The following ANKRD26 variants were observed in gnomAD, a reference collection of about 807,000 sequenced individuals.
ANKRD26 encodes ankyrin repeat domain-containing protein 26.
ANKRD26 carries 141 observed loss-of-function variants against 208.7 expected under a neutral mutation model. The observed-to-expected ratio is 0.68, with a 90% CI of 0.59 to 0.78. The LOEUF (loss-of-function observed/expected upper bound fraction) is 0.78. Among genes scored for constraint, ANKRD26 ranks in the 30% least tolerant of loss-of-function variants. The probability of loss-of-function intolerance (pLI) is 0.00; values close to 1 mark genes in which losing one functional copy is unlikely to be tolerated. For synonymous variants in ANKRD26, 636 were observed against 660.4 expected (o/e 0.96, Z 0.57); for missense variants, 1,889 against 1,938.7 (o/e 0.97, Z 0.48).
exon 6 of ANKRD26, among the ~76,000 whole-genome samples, chr10:26,975,201 A>C (rs956238896): frequency 6.6e-6 from 1 of 152,012 alleles, no homozygotes; most frequent in Non-Finnish European, 1.5e-5. Context: ...AGTTTCTGAG[A>C]ATTGAATTTA....
At position 27,022,602 on chromosome 10, in the gene ANKRD26, T is replaced by G. The variant is rs761178436; in HGVS notation, c.4171A>C (p.Ser1391Arg). 8.4e-6 allele frequency: 13 copies of G among 1,552,634 alleles called. No individual in the cohort carries two copies. Among genetic ancestry groups the G allele is most frequent in the Non-Finnish European group, 1.2e-5 (13 of 1,129,628 alleles). ...EFSFHGDLKT[S>R]QFEMDIQINK... Reference sequence around the variant, plus strand: ...ATCTGAATATCCATTTCAAATTGACTAGTTTTTAAATCTCCATGGAAACTA... The same window carrying G: ...ATCTGAATATCCATTTCAAATTGACGAGTTTTTAAATCTCCATGGAAACTA... Residue 1391 changes from serine (S) to arginine (R), a missense_variant, in exon 29 of 34, where the codon AGT becomes CGT. Ser to Arg is a moderately radical substitution (Grantham distance 110). This residue lies in a region of ANKRD26 where 613 missense variants were observed against 648.2 expected (regional missense o/e 0.95). Coordinates refer to ENST00000376087, the MANE Select transcript of ANKRD26 (RefSeq NM_014915.3).
At chr10:26,995,297 A>G (rs1443818741) in intron 4 of ANKRD26, 2 of 407,170 alleles carry the variant, frequency 4.9e-6, no homozygotes, top group African/African-American at 4.1e-5. Context: ...GTACACAAAC[A>G]GTAGGAAGGG....
chr10:27,099,179 C>G (rs559519534), intron 1 of ANKRD26, among the ~76,000 whole-genome samples: 3 of 151,928 alleles, frequency 2.0e-5, no homozygotes, highest in Non-Finnish European at 4.4e-5. Context: ...TTAGTAGAGA[C>G]GGGGTTTCAC....
At chr10:26,983,894 C>T (rs2052345586) in intron 3 of ANKRD26, among the ~76,000 whole-genome samples, 1 of 152,136 alleles carries the variant, frequency 6.6e-6, no homozygotes, top group African/African-American at 2.4e-5. Flanking sequence ...GGTGTTATAG[C>T]TAGTCCTGAC....
At chr10:27,026,142 C>G (rs1303255031) in intron 27 of ANKRD26, among the ~76,000 whole-genome samples, 2 of 152,160 alleles carry the variant, frequency 1.3e-5, no homozygotes, top group Admixed American at 6.5e-5. Flanking sequence ...GAGATGAGAA[C>G]CTTCTGGAAA....
chr10:26,964,202 C>G, the ANKRD26 span, among the ~76,000 whole-genome samples: 1 of 151,972 alleles, frequency 6.6e-6, no homozygotes, highest in Admixed American at 6.5e-5. Flanking sequence ...AGGCACCATG[C>G]CTGGCCTGTT....
chr10:27,030,174 A>G (rs1324549049), intron 25 of ANKRD26, among the ~76,000 whole-genome samples: 4 of 152,232 alleles, frequency 2.6e-5, no homozygotes, highest in African/African-American at 9.6e-5. Flanking sequence ...GAAGTGGTCT[A>G]CTATAGCTGC....
At chr10:26,970,564 A>G (rs2052128658), downstream of ANKRD26, among the ~76,000 whole-genome samples, 1 of 152,124 alleles carries the variant, frequency 6.6e-6, no homozygotes, top group Non-Finnish European at 1.5e-5. Flanking sequence ...CAATGCTACT[A>G]TACTTCCCAT....
chr10:27,060,726 G>A (rs914148709), intron 13 of ANKRD26, among the ~76,000 whole-genome samples, 186 bp from the exon 14 acceptor site: 10 of 152,162 alleles, frequency 6.6e-5, no homozygotes, highest in Non-Finnish European at 1.5e-4. Context: ...GAAAAAAACA[G>A]GAATATAGGT....
chr10:27,071,159 ATT>A (rs71386906), intron 9 of ANKRD26, among the ~76,000 whole-genome samples: 36 of 85,856 alleles, frequency 4.2e-4, no homozygotes, highest in African/African-American at 1.6e-3. Context: ...TGCTACATTC[ATT>A]TTTTTTTTTT....
Position 27,070,558 on chromosome 10 carries a change from G to A in ANKRD26, c.1078-3272C>T, listed in dbSNP as rs553419283. On this transcript the variant is annotated intron_variant, in intron 9 of 33. Transcript: ENST00000376087. ...GAGTTTTAGAGATGAATGAATTTAT[G>A]AGCAAGGTTTAACAACTATGAATAC... Among the ~76,000 whole-genome samples, 174 of 152,264 alleles carry A rather than the reference G, an allele frequency of 1.1e-3. No homozygotes were observed. The Middle Eastern group carries it at 0.031, about 27-fold the overall frequency.
intron 20 of ANKRD26, among the ~76,000 whole-genome samples, chr10:27,043,040 A>T (rs1483020556): frequency 6.6e-6 from 1 of 151,724 alleles, no homozygotes; most frequent in Non-Finnish European, 1.5e-5. Context: ...TTATGCAAAG[A>T]CTTCTTAAAT....
chr10:27,039,947 A>C lies in ANKRD26; in HGVS notation c.2375+18T>G. On this transcript the variant is annotated intron_variant, in intron 21 of 33. Transcript: ENST00000376087. ...AGTACAAATAGTTAAACATTTCTTT[A>C]AAACTAGGCTATCATACCTCAAAGA... 6.2e-7 allele frequency: 1 copy of C among 1,602,522 alleles called. No individual in the cohort carries two copies. The highest frequency in any genetic ancestry group is 8.5e-7 in the Non-Finnish European group (1 of 1,170,312).
At chr10:27,026,940 C>G (rs1319309073) in intron 27 of ANKRD26, among the ~76,000 whole-genome samples, 1 of 152,088 alleles carries the variant, frequency 6.6e-6, no homozygotes, top group African/African-American at 2.4e-5. Context: ...GGCCTGCCAT[C>G]ACGCCTGGCT....
In ANKRD26 at chr10:27,037,333, C is replaced by T. The variant is rs1276121990; in HGVS notation, c.2560-10G>A. The T allele has an allele frequency of 3.1e-6, 5 of 1,613,602 alleles. No individual in the cohort carries two copies. In the East Asian group the frequency reaches 8.9e-5, roughly 29 times the overall value. ...TTCGCTCTTGAACGACCTAGAGATA[C>T]ATTAAGTTTTAGGTCTATTAGCATT... On this transcript the variant is annotated splice_polypyrimidine_tract_variant and intron_variant, in intron 22 of 33. Transcript: ENST00000376087.
intron 17 of ANKRD26, among the ~76,000 whole-genome samples, chr10:27,047,742 T>A (rs61851040): frequency 0.26 from 13,940 of 54,228 alleles, 779 homozygotes; most frequent in East Asian, 0.43. Flanking sequence ...TAATAATAAT[T>A]ATTATTATTA....
chr10:27,069,927 G>A (rs987693364), intron 9 of ANKRD26, among the ~76,000 whole-genome samples: 7 of 151,766 alleles, frequency 4.6e-5, no homozygotes, highest in African/African-American at 9.7e-5. Context: ...AAACCAGCCT[G>A]GATAATATAG....
chr10:27,067,268 C>G lies in ANKRD26; in HGVS notation c.1096G>C (p.Gly366Arg), dbSNP rs371334112. The part of the protein sequence containing the change: ...GLMKEEPTKP[G>R]IAKKENGIDI... ...ATACCATTTTCTTTTTTTGCAATGC[C>G]TGGCTTTGTTGGTTCTTCCTATTAA... Residue 366 changes from glycine to arginine, a missense_variant, in exon 10 of 34, where the codon GGC (glycine) becomes CGC (arginine). This residue lies in a region of ANKRD26 where 1,272 missense variants were observed against 1,273.8 expected (regional missense o/e 1.00). Transcript: ENST00000376087. 2 of 1,613,178 alleles carry G rather than the reference C, an allele frequency of 1.2e-6. No homozygotes were observed. The highest frequency in any genetic ancestry group is 2.7e-5 in the African/African-American group (2 of 74,858).
chr10:27,057,739 T>A (rs1266992583), intron 15 of ANKRD26, among the ~76,000 whole-genome samples: 1 of 151,818 alleles, frequency 6.6e-6, no homozygotes, highest in Non-Finnish European at 1.5e-5. Context: ...GAGATCGAGA[T>A]CATCCTGGCC....
Sources: allele counts gnomAD v4.1 joint callset (sites outside exome capture counted in the v4.1 genomes callset), GRCh38; gene constraint gnomAD v4.1.1; regional missense constraint gnomAD v4.1.1; transcripts MANE v1.5; gene names NCBI Gene and HGNC (gene_info 2026-07-23, HGNC 2026-07-21).